GPM6A: variants seen among roughly 807,000 people sequenced by gnomAD.
GPM6A encodes neuronal membrane glycoprotein M6-a.
In GPM6A, 7 loss-of-function variants were observed where a neutral mutation model predicts 32.1. The observed-to-expected ratio is 0.22, with a 90% confidence interval of 0.12 to 0.41. The LOEUF is 0.41. Among genes scored for constraint, GPM6A ranks in the 10% least tolerant of loss-of-function variants. The pLI is 1.00. For missense variants in GPM6A, 235 were observed against 347.2 expected, an observed-to-expected ratio of 0.68 and a Z score of 2.57; for synonymous variants, 130 against 123.4, an observed-to-expected ratio of 1.05 and a Z score of -0.35.
chr4:175,946,010 C>T (rs1739593602), intron 1 of GPM6A, among the ~76,000 whole-genome samples: 1 of 151,970 alleles, frequency 6.6e-6, no homozygotes, highest in South Asian at 2.1e-4. Flanking sequence ...ACACTGGAGA[C>T]TTAGAAGACT....
At chr4:175,728,860 C>T (rs1731289594) in intron 1 of GPM6A, among the ~76,000 whole-genome samples, 1 of 152,136 alleles carries the variant, frequency 6.6e-6, no homozygotes, top group Non-Finnish European at 1.5e-5. Flanking sequence ...GAGGCAAGTG[C>T]AGGGAAATTA....
chr4:175,694,979 AC>A (rs1241106179), intron 2 of GPM6A, among the ~76,000 whole-genome samples: 1 of 151,866 alleles, frequency 6.6e-6, no homozygotes, highest in African/African-American at 2.4e-5. Context: ...TGGCTAAAAG[AC>A]CCCCAAGTAT....
In GPM6A at chr4:175,836,462, C is replaced by T. The variant is rs577843852; in HGVS notation, c.-22-24213G>A. 3.9e-4 allele frequency among the ~76,000 whole-genome samples: 59 copies of T among 152,088 alleles called. 3 individuals carry two copies. The South Asian group carries it at 0.011, about 27-fold the overall frequency. On this transcript the variant is annotated intron_variant, in intron 1 of 7. Transcript: ENST00000280187. ...ATAAACAAAATGTTTAATAAGTAAA[C>T]CACATTGTATGATACATAGTGGTAT... is the stretch of plus-strand genomic sequence containing the variant.
At chr4:175,854,715 C>G (rs1051438843) in intron 1 of GPM6A, among the ~76,000 whole-genome samples, 9 of 152,152 alleles carry the variant, frequency 5.9e-5, no homozygotes, top group African/African-American at 1.9e-4. Flanking sequence ...ACGGAGAGAC[C>G]TAGACAGCAG....
intron 3 of GPM6A, among the ~76,000 whole-genome samples, chr4:175,656,947 C>T (rs1429586977): frequency 1.3e-5 from 2 of 152,164 alleles, no homozygotes; most frequent in African/African-American, 4.8e-5. Flanking sequence ...ATATGAGGCA[C>T]ATTTAAACTT....
rs1475207489 is a variant in GPM6A at position 175,634,746 on chromosome 4, G to C, written c.*159C>G. On this transcript the variant is annotated 3_prime_UTR_variant, in exon 7 of 7. Coordinates refer to ENST00000393658, the MANE Select transcript of GPM6A (RefSeq NM_201591.3). ...CAATTTAATAAATTGGGAAATTTAA[G>C]TGCTAAACAACAAAGAATTGTACTC... 5.6e-6 allele frequency: 3 copies of C among 540,328 alleles called. No individual in the cohort carries two copies. Among genetic ancestry groups the C allele is most frequent in the Non-Finnish European group, 9.7e-6 (3 of 309,700 alleles). The allele number at this position is 540,328 out of a possible 1,614,324, so 33.5% of individuals were successfully genotyped here. A position where few individuals can be genotyped will look rare whatever the true frequency, so the allele number is the denominator to read the frequency against.
At chr4:175,746,627 C>T (rs1380576185) in intron 1 of GPM6A, among the ~76,000 whole-genome samples, 1 of 152,068 alleles carries the variant, frequency 6.6e-6, no homozygotes, top group Non-Finnish European at 1.5e-5. Context: ...TATCTCTACC[C>T]TTTAGAGAAT....
chr4:175,696,998 G>A (rs1744617942), intron 2 of GPM6A, among the ~76,000 whole-genome samples: 1 of 152,108 alleles, frequency 6.6e-6, no homozygotes, highest in Non-Finnish European at 1.5e-5. Flanking sequence ...CAATATTAAA[G>A]AATTCACTAG....
chr4:175,705,958 A>G (rs1438797959), intron 1 of GPM6A, among the ~76,000 whole-genome samples: 4 of 152,178 alleles, frequency 2.6e-5, no homozygotes, highest in African/African-American at 9.7e-5. Flanking sequence ...CTGAATTTAC[A>G]TGTTCTAGTC....
intron 6 of GPM6A, among the ~76,000 whole-genome samples, chr4:175,637,136 T>G (rs1452269127): frequency 4.9e-5 from 4 of 81,200 alleles, no homozygotes; most frequent in African/African-American, 1.4e-4. Context: ...TATAATATAT[T>G]ATATATGATA....
intron 6 of GPM6A, among the ~76,000 whole-genome samples, chr4:175,637,094 C>CATATATAATATATTATATGTGATATATA (rs1560841374): frequency 8.6e-6 from 1 of 115,624 alleles, no homozygotes; most frequent in African/African-American, 3.4e-5. Context: ...TATAATATAT[C>CATATATAATATATTATATGTGATATATA]ATATATAATA....
chr4:175,690,281 G>A (rs1437649620), intron 2 of GPM6A, among the ~76,000 whole-genome samples: 1 of 152,194 alleles, frequency 6.6e-6, no homozygotes, highest in Non-Finnish European at 1.5e-5. Flanking sequence ...GGCAATTATA[G>A]CAAATATAAA....
At chr4:175,679,856 C>CAA (rs1189633026) in intron 2 of GPM6A, among the ~76,000 whole-genome samples, 1 of 152,060 alleles carries the variant, frequency 6.6e-6, no homozygotes, top group East Asian at 1.9e-4. Flanking sequence ...ATGTGCCTAG[C>CAA]AATTTGTAAG....
intron 1 of GPM6A, among the ~76,000 whole-genome samples, chr4:175,819,427 A>G (rs1202498919): frequency 6.6e-6 from 1 of 152,232 alleles, no homozygotes; most frequent in Admixed American, 6.5e-5. Context: ...GATGGAAGAG[A>G]GAGACAAACA....
intron 1 of GPM6A, among the ~76,000 whole-genome samples, chr4:175,733,488 G>C (rs1203840650): frequency 6.6e-6 from 1 of 152,138 alleles, no homozygotes; most frequent in African/African-American, 2.4e-5. Flanking sequence ...AGGTGACAGA[G>C]CAAGACGCTG....
intron 2 of GPM6A, among the ~76,000 whole-genome samples, chr4:175,685,208 A>C (rs1304143579): frequency 6.6e-6 from 1 of 152,098 alleles, no homozygotes; most frequent in Admixed American, 6.6e-5. Context: ...TTATTTTTAC[A>C]CATGAACTTT....
At position 175,658,115 on chromosome 4, in the gene GPM6A, T is replaced by C. The variant is rs529109836; in HGVS notation, c.388-6128A>G. Reference sequence around the variant, plus strand: ...GGAAAATTCTTTTTAAGTGATTTGTTACGCTTATAACAACTTTATTCAAAA... The same window carrying C: ...GGAAAATTCTTTTTAAGTGATTTGTCACGCTTATAACAACTTTATTCAAAA... On this transcript the variant is annotated intron_variant, in intron 3 of 6. Transcript: ENST00000393658. 2.6e-5 allele frequency among the ~76,000 whole-genome samples: 4 copies of C among 152,308 alleles called. No individual in the cohort carries two copies. The South Asian group carries it at 8.3e-4, about 32-fold the overall frequency.
At chr4:175,854,743 T>C (rs1736365413) in intron 1 of GPM6A, among the ~76,000 whole-genome samples, 1 of 151,926 alleles carries the variant, frequency 6.6e-6, no homozygotes, top group South Asian at 2.1e-4. Flanking sequence ...AAGAACAGAG[T>C]AGCCGAGGGA....
At chr4:175,870,477 A>T (rs919003522) in intron 1 of GPM6A, among the ~76,000 whole-genome samples, 2 of 152,204 alleles carry the variant, frequency 1.3e-5, no homozygotes, top group Non-Finnish European at 2.9e-5. Context: ...AATACAGAGG[A>T]TACAACAATA....
Sources: gnomAD v4.1 joint callset for allele counts (sites outside exome capture counted in the v4.1 genomes callset) on GRCh38, gnomAD v4.1.1 for gene constraint, MANE v1.5 for transcripts, NCBI Gene and HGNC (gene_info 2026-07-23, HGNC 2026-07-21) for gene names.